The following SLC44A1 variants were observed in gnomAD, a reference collection of about 807,000 sequenced individuals.
SLC44A1 encodes solute carrier family 44 member 1.
SLC44A1 carries 26 observed loss-of-function variants against 79.3 expected under a neutral mutation model. That is an observed-to-expected ratio of 0.33 (90% CI 0.24 to 0.46). The LOEUF is 0.46. SLC44A1 is among the 20% of genes least tolerant of loss of function. The probability of loss-of-function intolerance (pLI) is 1.00; values close to 1 mark genes in which losing one functional copy is unlikely to be tolerated. For synonymous variants in SLC44A1, 263 were observed against 286.2 expected (o/e 0.92, Z 0.82); for missense variants, 688 against 798.1 (o/e 0.86, Z 1.66).
chr9:105,350,164 A>C (rs1715383215), intron 5 of SLC44A1, among the ~76,000 whole-genome samples: 1 of 152,226 alleles, frequency 6.6e-6, no homozygotes, highest in African/African-American at 2.4e-5. Context: ...TGCTGTGTTT[A>C]AAGATCCTTA....
At chr9:105,402,207 A>C (rs913392631), downstream of SLC44A1, among the ~76,000 whole-genome samples, 12 of 152,114 alleles carry the variant, frequency 7.9e-5, no homozygotes, top group African/African-American at 2.9e-4. Flanking sequence ...TAAGCAGAGG[A>C]GCAATCTAGC....
Position 105,369,887 on chromosome 9 carries a change from T to C in SLC44A1, c.1494+3458T>C, listed in dbSNP as rs150100813. On this transcript the variant is annotated intron_variant, in intron 12 of 15. Transcript: ENST00000374720. ...ACATGATCAGTACTTTTTAACTATA[T>C]CCCATCACACAAAAGTACAACCAGG... 7.2e-3 allele frequency among the ~76,000 whole-genome samples: 1,101 copies of C among 152,296 alleles called. 7 individuals are homozygous for C. Among genetic ancestry groups the C allele is most frequent in the Non-Finnish European group, 0.012 (846 of 68,016 alleles).
intron 1 of SLC44A1, among the ~76,000 whole-genome samples, chr9:105,268,077 T>C (rs1299425848): frequency 6.6e-6 from 1 of 152,174 alleles, no homozygotes; most frequent in East Asian, 1.9e-4. Flanking sequence ...CACTTCATCC[T>C]TTTGTTTTCT....
chr9:105,419,362 A>C (rs770146553), intron 15 of SLC44A1, among the ~76,000 whole-genome samples: 1 of 152,198 alleles, frequency 6.6e-6, no homozygotes, highest in Non-Finnish European at 1.5e-5. Flanking sequence ...ACAGGATAAG[A>C]AAGGAGATTG....
intron 13 of SLC44A1, among the ~76,000 whole-genome samples, chr9:105,379,848 C>G (rs73512089): frequency 6.6e-6 from 1 of 152,164 alleles, no homozygotes; most frequent in African/African-American, 2.4e-5. Context: ...TGTGAAATTA[C>G]TTTACTTCCA....
chr9:105,353,566 A>T (rs1827519150), intron 5 of SLC44A1, among the ~76,000 whole-genome samples: 1 of 152,156 alleles, frequency 6.6e-6, no homozygotes, highest in Non-Finnish European at 1.5e-5. Context: ...TCTTTCAGCT[A>T]ACCAATGGAG....
At chr9:105,371,676 G>T (rs1455803982) in intron 12 of SLC44A1, among the ~76,000 whole-genome samples, 1 of 135,918 alleles carries the variant, frequency 7.4e-6, no homozygotes, top group Non-Finnish European at 1.5e-5. Flanking sequence ...CTGAGATCGT[G>T]CCTCTGCACT....
chr9:105,296,959 A>G (rs974759758), intron 1 of SLC44A1, among the ~76,000 whole-genome samples: 2 of 152,202 alleles, frequency 1.3e-5, no homozygotes, highest in Non-Finnish European at 2.9e-5. Context: ...GAAGCAATTT[A>G]TCTAAATTCA....
rs554523366 is a variant in SLC44A1 at position 105,274,582 on chromosome 9, A to G, written c.37-24638A>G. 8.5e-5 allele frequency among the ~76,000 whole-genome samples: 13 copies of G among 152,304 alleles called. 1 individual carries two copies. Among genetic ancestry groups the G allele is most frequent in the African/African-American group, 3.1e-4 (13 of 41,562 alleles). ...ACTAAGTGTTTCATGTCACCTACCTATAGAAATATTGAATCTTTTAAAGCA... is the reference window on the plus strand; with the variant it reads ...ACTAAGTGTTTCATGTCACCTACCTGTAGAAATATTGAATCTTTTAAAGCA... On this transcript the variant is annotated intron_variant, in intron 1 of 15. Transcript: ENST00000374720.
At chr9:105,399,795 A>C (rs1219144530), downstream of SLC44A1, among the ~76,000 whole-genome samples, 1 of 152,194 alleles carries the variant, frequency 6.6e-6, no homozygotes, top group African/African-American at 2.4e-5. Flanking sequence ...ATATGAAATA[A>C]ATTTTCTTAG....
intron 2 of SLC44A1, among the ~76,000 whole-genome samples, chr9:105,309,388 C>T (rs570589282): frequency 2.2e-3 from 340 of 152,278 alleles, no homozygotes; most frequent in African/African-American, 7.7e-3. Flanking sequence ...TAACGTACTA[C>T]AAGCACCTAT....
At chr9:105,353,168 G>A (rs967351646) in intron 5 of SLC44A1, among the ~76,000 whole-genome samples, 1 of 151,992 alleles carries the variant, frequency 6.6e-6, no homozygotes, top group Admixed American at 6.6e-5. Context: ...TAGAGTATCA[G>A]GTTGTTGTTT....
intron 1 of SLC44A1, among the ~76,000 whole-genome samples, chr9:105,289,812 G>GT (rs11299759): frequency 0.016 from 2,242 of 139,286 alleles, 18 homozygotes; most frequent in African/African-American, 0.027. Flanking sequence ...GTTTTTTTTT[G>GT]TTTTTTTTTT....
chr9:105,297,545 G>A (rs778072060), intron 1 of SLC44A1, among the ~76,000 whole-genome samples: 3 of 151,942 alleles, frequency 2.0e-5, no homozygotes, highest in Non-Finnish European at 2.9e-5. Flanking sequence ...CACCACACCC[G>A]TTTAACTTTG....
At chr9:105,356,113 G>A (rs1827614270) in intron 5 of SLC44A1, 99 bp from the exon 6 acceptor site, 1 of 872,726 alleles carries the variant, frequency 1.1e-6, no homozygotes, top group South Asian at 1.4e-5. Flanking sequence ...AGGGTGGAGT[G>A]TATTGCAGCC....
In SLC44A1 at chr9:105,348,302, A is replaced by G. The variant is rs557468658; in HGVS notation, c.407-56A>G. 1.2e-5 allele frequency: 11 copies of G among 881,688 alleles called. No individual in the cohort carries two copies. In the Admixed American group the frequency reaches 2.2e-4, roughly 18 times the overall value. The allele number at this position is 881,688 out of a possible 1,614,324, so 54.6% of individuals were successfully genotyped here. A position where few individuals can be genotyped will look rare whatever the true frequency, so the allele number is the denominator to read the frequency against. ...TGAATAATACAAAATTAAAATGAAT[A>G]GTAAGAGAATTTTTTCAGACTGTTC... On this transcript the variant is annotated intron_variant, in intron 4 of 15. Coordinates refer to ENST00000374720, the MANE Select transcript of SLC44A1 (RefSeq NM_080546.5).
intron 3 of SLC44A1, among the ~76,000 whole-genome samples, chr9:105,331,574 G>A (rs1460772519): frequency 1.3e-5 from 2 of 152,194 alleles, no homozygotes; most frequent in Non-Finnish European, 2.9e-5. Context: ...GCAAGAAAGT[G>A]CAGTTTTAAT....
chr9:105,268,719 C>T (rs900641074), intron 1 of SLC44A1, among the ~76,000 whole-genome samples: 1 of 151,122 alleles, frequency 6.6e-6, no homozygotes, highest in Non-Finnish European at 1.5e-5. Context: ...AGGCTGGTCT[C>T]GAACTCCAAC....
chr9:105,298,992 C>A (rs1771910125), intron 1 of SLC44A1, among the ~76,000 whole-genome samples: 1 of 152,102 alleles, frequency 6.6e-6, no homozygotes, highest in African/African-American at 2.4e-5. Context: ...GAACTCAGTA[C>A]CGGGCCTGGC....
Sources: gnomAD v4.1 joint callset for allele counts (sites outside exome capture counted in the v4.1 genomes callset) on GRCh38, gnomAD v4.1.1 for gene constraint, MANE v1.5 for transcripts, NCBI Gene and HGNC (gene_info 2026-07-23, HGNC 2026-07-21) for gene names.